Variants in COBL observed in about 807,000 individuals in gnomAD.
The protein encoded by COBL is cordon-bleu WH2 repeat protein, also known as protein cordon-bleu.
COBL carries 51 observed loss-of-function variants against 98.8 expected under a neutral mutation model. The observed-to-expected ratio is 0.52, with a 90% CI of 0.41 to 0.65. The LOEUF (loss-of-function observed/expected upper bound fraction) is 0.65. Ranked by LOEUF, COBL falls within the 30% of genes least tolerant of loss-of-function variation. COBL has a pLI of 0.00. For missense variants in COBL, 1,617 were observed against 1,617.5 expected (o/e 1.00, Z 0.01); for synonymous variants, 634 against 651.7 (o/e 0.97, Z 0.41).
At chr7:51,142,202 C>A (rs1799822635) in intron 5 of COBL, among the ~76,000 whole-genome samples, 2 of 151,950 alleles carry the variant, frequency 1.3e-5, no homozygotes, top group Admixed American at 1.3e-4. Flanking sequence ...CCAAGTACCC[C>A]ATGGAATGCC....
At chr7:51,306,435 T>C (rs1188870854) in intron 1 of COBL, among the ~76,000 whole-genome samples, 1 of 152,184 alleles carries the variant, frequency 6.6e-6, no homozygotes, top group African/African-American at 2.4e-5. Context: ...GTGTAGCTTC[T>C]ACTTTGAAGG....
At chr7:51,172,457 T>G in intron 5 of COBL, 1 of 1,288,352 alleles carries the variant, frequency 7.8e-7, no homozygotes, top group South Asian at 1.2e-5. Context: ...AGTACTCACG[T>G]TCAAACCCCT....
At chr7:51,250,131 G>C (rs978540093) in intron 1 of COBL, among the ~76,000 whole-genome samples, 4 of 151,884 alleles carry the variant, frequency 2.6e-5, no homozygotes, top group Non-Finnish European at 2.9e-5. Context: ...AAAATACAGA[G>C]TAGACACTCC....
rs535319626 is a variant in COBL at position 51,240,491 on chromosome 7, A to G, written c.42-20547T>C. Among the ~76,000 whole-genome samples the G allele has an allele frequency of 3.9e-4, 59 of 152,252 alleles. 1 individual carries two copies. The highest frequency in any genetic ancestry group is 4.0e-4 in the Non-Finnish European group (27 of 68,050). The stretch of plus-strand genomic sequence containing the variant: ...GCGGCTCAAGTGAACAAAAGCATCT[A>G]TGATCAGCAACTGGCTCTACGGAAA... On this transcript the variant is annotated intron_variant, in intron 1 of 12. Transcript: ENST00000265136.
intron 12 of COBL, among the ~76,000 whole-genome samples, chr7:51,024,322 A>C (rs982256757): frequency 2.0e-5 from 3 of 151,988 alleles, no homozygotes; most frequent in Non-Finnish European, 4.4e-5. Context: ...TAAATAAATA[A>C]ATAAATAAAT....
At chr7:51,259,797 G>T in intron 1 of COBL, 1 of 751,684 alleles carries the variant, frequency 1.3e-6, no homozygotes. Flanking sequence ...AGGTTCTGGG[G>T]GGTGACTTTT....
At chr7:51,252,909 G>A (rs1242842264) in intron 1 of COBL, among the ~76,000 whole-genome samples, 1 of 152,162 alleles carries the variant, frequency 6.6e-6, no homozygotes, top group African/African-American at 2.4e-5. Flanking sequence ...GGTCAAGGTT[G>A]CAAAATGATG....
At chr7:51,034,491 T>C (rs1562823617) in intron 8 of COBL, 1 of 152,228 alleles carries the variant, frequency 6.6e-6, no homozygotes, top group African/African-American at 2.4e-5. Flanking sequence ...CCAATGGCAA[T>C]GTAGTGATTT....
At chr7:51,167,861 T>A (rs568907385) in intron 5 of COBL, among the ~76,000 whole-genome samples, 6 of 152,270 alleles carry the variant, frequency 3.9e-5, no homozygotes, top group Non-Finnish European at 5.9e-5. Flanking sequence ...GATATTCATA[T>A]GCAGAAGAAT....
intron 6 of COBL, among the ~76,000 whole-genome samples, chr7:51,110,074 T>C (rs939614976): frequency 6.6e-6 from 1 of 152,260 alleles, no homozygotes; most frequent in African/African-American, 2.4e-5. Context: ...CCAGGGTAAT[T>C]GGGATATCTT....
At chr7:51,022,506 C>T (rs1355438148) in intron 12 of COBL, 1 of 152,256 alleles carries the variant, frequency 6.6e-6, no homozygotes, top group Non-Finnish European at 1.5e-5. Context: ...TCTCCGTGGC[C>T]TGTGCATTTC....
At chr7:51,210,746 A>G (rs1792336071) in intron 2 of COBL, among the ~76,000 whole-genome samples, 1 of 152,136 alleles carries the variant, frequency 6.6e-6, no homozygotes. Context: ...CTTTTCCACT[A>G]CACACTTTTC....
intron 1 of COBL, among the ~76,000 whole-genome samples, chr7:51,286,881 G>T (rs1800416040): frequency 6.6e-6 from 1 of 151,992 alleles, no homozygotes; most frequent in East Asian, 1.9e-4. Flanking sequence ...ATGGTGGACT[G>T]GATTAAAAAA....
chr7:51,105,126 G>C (rs896137066), intron 6 of COBL, among the ~76,000 whole-genome samples: 1 of 151,820 alleles, frequency 6.6e-6, no homozygotes, highest in African/African-American at 2.4e-5. Context: ...GGACTTCCAT[G>C]CTAGGAGATA....
chr7:51,304,517 G>A (rs577280874), intron 1 of COBL, among the ~76,000 whole-genome samples: 2 of 152,298 alleles, frequency 1.3e-5, no homozygotes, highest in East Asian at 3.9e-4. Flanking sequence ...CTGATCATTA[G>A]AATCATTAGT....
chr7:51,215,152 C>T lies in COBL; in HGVS notation c.245+4589G>A, dbSNP rs533600006. Among the ~76,000 whole-genome samples the T allele has an allele frequency of 7.9e-5, 12 of 152,306 alleles. No individual in the cohort carries two copies. In the East Asian group the frequency reaches 2.1e-3, roughly 27 times the overall value. ...ATCTCACACCATGAGACCTCCCTTA[C>T]GTATAACTGGTATAACACCAATGTC... is the stretch of plus-strand genomic sequence containing the variant. On this transcript the variant is annotated intron_variant, in intron 2 of 12. Coordinates refer to ENST00000265136, the MANE Select transcript of COBL (RefSeq NM_015198.5).
chr7:51,259,288 A>AG, intron 1 of COBL: 1 of 133,338 alleles, frequency 7.5e-6, no homozygotes, highest in Admixed American at 7.5e-5. Flanking sequence ...CTCCAGCTCA[A>AG]AAAAAAAAAA....
Position 51,278,579 on chromosome 7 carries a change from C to T in COBL, c.41+38014G>A, listed in dbSNP as rs1195823993. On this transcript the variant is annotated intron_variant, in intron 1 of 12. Transcript: ENST00000265136. ...ATTTTTATTAGAGTCGGGGTTTCAC[C>T]ATGTTGGCCAGGCTGGTCTCGAACT... Among the ~76,000 whole-genome samples, 3 of 151,928 alleles carry T rather than the reference C, an allele frequency of 2.0e-5. No individual in the cohort carries two copies. In the East Asian group the frequency reaches 5.8e-4, roughly 29 times the overall value.
Position 51,059,939 on chromosome 7 carries a change from C to T in COBL, c.1097-16247G>A, listed in dbSNP as rs555592960. On this transcript the variant is annotated intron_variant, in intron 7 of 12. Transcript: ENST00000265136. ...CACAGGGAGCATGTGGTCCTCCATG[C>T]CTGTGTAGGATTGAAATGGAGACAT... Among the ~76,000 whole-genome samples the T allele has an allele frequency of 3.7e-3, 558 of 152,292 alleles. 2 individuals carry two copies. The highest frequency in any genetic ancestry group is 7.3e-3 in the Admixed American group (111 of 15,302).
Sources: gnomAD v4.1 joint callset for allele counts (sites outside exome capture counted in the v4.1 genomes callset) on GRCh38, gnomAD v4.1.1 for gene constraint, MANE v1.5 for transcripts, NCBI Gene and HGNC (gene_info 2026-07-23, HGNC 2026-07-21) for gene names.